Variants in NUP98 observed in about 807,000 individuals in gnomAD.
NUP98 encodes the protein nucleoporin 98 and 96 precursor, also known as nuclear pore complex protein Nup98-Nup96.
A neutral mutation model predicts 191.9 loss-of-function variants in NUP98; 26 were observed. The ratio of observed to expected loss-of-function variants is 0.14; its 90% CI spans 0.10 to 0.19. The LOEUF (loss-of-function observed/expected upper bound fraction) is 0.19, where lower values mean the gene tolerates loss of function less well. Among genes scored for constraint, NUP98 ranks in the 10% least tolerant of loss-of-function variants. The pLI, the probability that NUP98 is intolerant of heterozygous loss-of-function variation, is 1.00. For missense variants in NUP98, 1,941 were observed against 2,178.8 expected (o/e 0.89, Z 2.17); for synonymous variants, 808 against 778.4 (o/e 1.04, Z -0.63).
At chr11:3,792,646 A>C (rs2082394901) in intron 1 of NUP98, among the ~76,000 whole-genome samples, 1 of 152,148 alleles carries the variant, frequency 6.6e-6, no homozygotes, top group African/African-American at 2.4e-5. Context: ...AAAACAACAA[A>C]AAAAGAAGAT....
chr11:3,690,401 G>A (rs1306756965), intron 28 of NUP98, among the ~76,000 whole-genome samples: 7 of 151,860 alleles, frequency 4.6e-5, no homozygotes, highest in East Asian at 1.9e-4. Context: ...CTGGGACTAC[G>A]GGCGCCCGCC....
At position 3,731,509 on chromosome 11, in the gene NUP98, G is replaced by T; in HGVS notation, c.1612C>A (p.Arg538Ser). The change falls in exon 14 of 33, where the codon CGC becomes AGC. Residue 538 changes from arginine (R) to serine (S), a missense_variant. Coordinates refer to ENST00000324932, the MANE Select transcript of NUP98 (RefSeq NM_016320.5). ...TTTGGCCGGACTCTAGTGGCAGGGC[G>T]GGGTGTCAGTTTATAATGAGTAGGT... ...TTPTHYKLTP[R>S]PATRVRPKAL... The T allele has an allele frequency of 6.2e-7, 1 of 1,607,942 alleles. No individual in the cohort carries two copies. Among genetic ancestry groups the T allele is most frequent in the Non-Finnish European group, 8.5e-7 (1 of 1,176,734 alleles).
chr11:3,711,910 T>C (rs1462360754), intron 20 of NUP98: 2 of 1,038,910 alleles, frequency 1.9e-6, no homozygotes, highest in African/African-American at 3.4e-5. Flanking sequence ...GCATGGAAAA[T>C]ACCAAAGGTC....
At chr11:3,780,769 C>G (rs1315684081) in intron 2 of NUP98, among the ~76,000 whole-genome samples, 2 of 151,554 alleles carry the variant, frequency 1.3e-5, no homozygotes, top group African/African-American at 4.8e-5. Flanking sequence ...GATCTCACCT[C>G]TACAAAAAAT....
chr11:3,745,082 G>A (rs1031143449), intron 11 of NUP98, among the ~76,000 whole-genome samples: 2 of 152,136 alleles, frequency 1.3e-5, no homozygotes, highest in African/African-American at 2.4e-5. Flanking sequence ...ATAGAAATGG[G>A]GTTCAAACCT....
At chr11:3,687,667 C>G (rs768964071) in intron 28 of NUP98, among the ~76,000 whole-genome samples, 2 of 152,154 alleles carry the variant, frequency 1.3e-5, no homozygotes, top group Non-Finnish European at 2.9e-5. Context: ...TTATTGAACA[C>G]AAATGACCAG....
chr11:3,733,878 C>A (rs2079940650), intron 13 of NUP98, among the ~76,000 whole-genome samples: 1 of 152,174 alleles, frequency 6.6e-6, no homozygotes, highest in Non-Finnish European at 1.5e-5. Context: ...CAGCACTTAA[C>A]AACACAATGC....
intron 12 of NUP98, among the ~76,000 whole-genome samples, chr11:3,741,842 G>A (rs1762861116): frequency 6.6e-6 from 1 of 152,178 alleles, no homozygotes; most frequent in African/African-American, 2.4e-5. Flanking sequence ...CTGCAAGAAG[G>A]AAGACAGTCG....
At position 3,760,605 on chromosome 11, in the gene NUP98, G is replaced by A. The variant is rs989344314; in HGVS notation, c.1108C>T (p.Leu370Phe). Residue 370 changes from leucine to phenylalanine, a missense_variant, in exon 10 of 33, where the codon CTT (leucine) becomes TTT (phenylalanine). This residue lies in a region of NUP98 where 181 missense variants were observed against 228.0 expected (regional missense o/e 0.79). Coordinates refer to ENST00000324932, the MANE Select transcript of NUP98 (RefSeq NM_016320.5). ...VGSTLFGNNK[L>F]TTFGSSTTSA... The stretch of plus-strand genomic sequence containing the variant: ...GTTGTGCTGCTTCCAAATGTAGTAA[G>A]CTTGTTATTGCCAAACAGGGTCTAA... The A allele has an allele frequency of 1.2e-6, 2 of 1,613,038 alleles. No individual in the cohort carries two copies. The highest frequency in any genetic ancestry group is 1.3e-5 in the African/African-American group (1 of 74,984).
At chr11:3,706,837 T>C (rs2078876923) in intron 20 of NUP98, among the ~76,000 whole-genome samples, 1 of 152,228 alleles carries the variant, frequency 6.6e-6, no homozygotes, top group Admixed American at 6.5e-5. Context: ...AGGATTCATG[T>C]AGTCATCCCA....
intron 14 of NUP98, among the ~76,000 whole-genome samples, chr11:3,729,543 CAAAAA>C (rs36045405): frequency 1.6e-4 from 9 of 55,748 alleles, no homozygotes; most frequent in Non-Finnish European, 2.6e-4. Flanking sequence ...CCTGTATCTC[CAAAAA>C]AAAAAAAAAA....
intron 11 of NUP98, among the ~76,000 whole-genome samples, chr11:3,746,266 T>C (rs1228010819): frequency 1.0e-4 from 2 of 19,740 alleles, no homozygotes; most frequent in Non-Finnish European, 1.6e-4. Flanking sequence ...CAAAACTTTA[T>C]CTCAAAAAAA....
chr11:3,766,821 T>C (rs2081356106), intron 8 of NUP98, among the ~76,000 whole-genome samples: 1 of 152,180 alleles, frequency 6.6e-6, no homozygotes, highest in African/African-American at 2.4e-5. Flanking sequence ...GTGTCAAATG[T>C]TTTTTCTGTA....
Position 3,675,534 on chromosome 11 carries a change from T to C in NUP98, c.*625A>G, listed in dbSNP as rs2077780816. On this transcript the variant is annotated 3_prime_UTR_variant, in exon 33 of 33. Transcript: ENST00000324932. Reference sequence around the variant, plus strand: ...AGCAAAGGTATGGTGTTCATGGAACTCTAAAGGCAGGAACAAAAACAGCCC... The same window carrying C: ...AGCAAAGGTATGGTGTTCATGGAACCCTAAAGGCAGGAACAAAAACAGCCC... The C allele has an allele frequency of 4.3e-6, 1 of 233,808 alleles. No individual in the cohort carries two copies. The highest frequency in any genetic ancestry group is 1.7e-4 in the South Asian group (1 of 5,976). 14.5% of individuals were successfully genotyped at this position (233,808 alleles called of 1,614,324 possible).
intron 11 of NUP98, among the ~76,000 whole-genome samples, chr11:3,748,591 G>GGTCA (rs1345335803): frequency 1.3e-5 from 2 of 152,096 alleles, no homozygotes; most frequent in Admixed American, 6.6e-5. Flanking sequence ...GATCACCTGA[G>GGTCA]GTCAGTCGTC....
chr11:3,679,304 C>T (rs1589944458), intron 31 of NUP98: 1 of 567,058 alleles, frequency 1.8e-6, no homozygotes, highest in Non-Finnish European at 3.3e-6. Flanking sequence ...GGGGAAGAGA[C>T]TGTCTATGGA....
intron 10 of NUP98, among the ~76,000 whole-genome samples, chr11:3,757,887 G>A (rs535808005): frequency 6.1e-4 from 93 of 152,242 alleles, no homozygotes; most frequent in South Asian, 1.7e-3. Context: ...CATTTTCAAA[G>A]GGAGTGGAAA....
intron 1 of NUP98, among the ~76,000 whole-genome samples, chr11:3,788,617 C>A (rs1564933830): frequency 6.6e-6 from 1 of 151,698 alleles, no homozygotes; most frequent in Non-Finnish European, 1.5e-5. Flanking sequence ...AAATAAATTT[C>A]TAAAAGTGAA....
chr11:3,710,347 A>T (rs2078994411), intron 20 of NUP98, among the ~76,000 whole-genome samples: 1 of 152,252 alleles, frequency 6.6e-6, no homozygotes, highest in Non-Finnish European at 1.5e-5. Context: ...AGGAGAGAAG[A>T]TCACATGAAA....
Sources: gnomAD v4.1 joint callset for allele counts (sites outside exome capture counted in the v4.1 genomes callset) on GRCh38, gnomAD v4.1.1 for gene constraint, gnomAD v4.1.1 regional missense constraint, MANE v1.5 for transcripts, NCBI Gene and HGNC (gene_info 2026-07-23, HGNC 2026-07-21) for gene names.